Variants in DRC3 observed in about 807,000 individuals in gnomAD.
DRC3 encodes the protein dynein regulatory complex subunit 3, also known as leucine rich repeat containing 48.
DRC3 carries 45 observed loss-of-function variants against 57.6 expected under a neutral mutation model. The ratio of observed to expected loss-of-function variants is 0.78; its 90% confidence interval spans 0.62 to 1.00. DRC3 has a LOEUF of 1.00. Ranked by LOEUF, DRC3 falls within the 50% of genes least tolerant of loss-of-function variation. The pLI, the probability that DRC3 is intolerant of heterozygous loss-of-function variation, is 0.00. For synonymous variants in DRC3, 257 were observed against 272.3 expected (o/e 0.94, Z 0.55); for missense variants, 655 against 675.2 (o/e 0.97, Z 0.33).
intron 9 of DRC3, among the ~76,000 whole-genome samples, chr17:18,002,253 T>A (rs1020893102): frequency 5.3e-5 from 8 of 152,214 alleles, no homozygotes; most frequent in Non-Finnish European, 8.8e-5. Context: ...GAATTTGTTT[T>A]CATGTAAGGC....
At chr17:17,990,002 C>T (rs772709214) in intron 5 of DRC3, among the ~76,000 whole-genome samples, 7 of 152,208 alleles carry the variant, frequency 4.6e-5, no homozygotes, top group East Asian at 1.9e-4. Context: ...GCTTCAAGGA[C>T]GTGAGTTCCT....
intron 8 of DRC3, among the ~76,000 whole-genome samples, chr17:17,996,082 G>A (rs576996312): frequency 3.3e-5 from 5 of 152,198 alleles, no homozygotes; most frequent in Admixed American, 6.5e-5. Context: ...GTGCAATTGC[G>A]CAATCTCAGC....
intron 13 of DRC3, 35 bp from the exon 14 acceptor site, chr17:18,016,523 G>C: frequency 7.1e-7 from 1 of 1,415,120 alleles, no homozygotes; most frequent in Non-Finnish European, 1.0e-6. Context: ...CCAATGATCT[G>C]ATGTAAGGAA....
intron 12 of DRC3, chr17:18,015,858 A>C: frequency 1.8e-6 from 1 of 543,864 alleles, no homozygotes; most frequent in South Asian, 2.5e-5. Flanking sequence ...TTTCCCCACA[A>C]CACCTGCCCT....
At chr17:18,009,144 A>G (rs2044083194) in intron 12 of DRC3, among the ~76,000 whole-genome samples, 1 of 152,224 alleles carries the variant, frequency 6.6e-6, no homozygotes, top group Non-Finnish European at 1.5e-5. Flanking sequence ...GTATGCTCTG[A>G]CTATATGAGT....
chr17:17,992,994 A>G, intron 6 of DRC3, 83 bp downstream of exon 6: 2 of 1,478,500 alleles, frequency 1.4e-6, no homozygotes, highest in Non-Finnish European at 1.9e-6. Flanking sequence ...GGCATTGAAG[A>G]GTAGCTTCCC....
intron 12 of DRC3, 97 bp downstream of exon 12, chr17:18,007,244 A>C (rs1054299193): frequency 9.9e-6 from 8 of 810,184 alleles, no homozygotes; most frequent in African/African-American, 2.0e-5. Context: ...AACCTCCCAG[A>C]GCCTCAGTGT....
intron 3 of DRC3, among the ~76,000 whole-genome samples, chr17:17,980,407 G>T (rs1441119098): frequency 1.3e-5 from 2 of 151,720 alleles, no homozygotes; most frequent in Non-Finnish European, 2.9e-5. Context: ...CAATTCTCCT[G>T]CCTCAGCCTC....
intron 4 of DRC3, among the ~76,000 whole-genome samples, chr17:17,986,487 G>A (rs779655243): frequency 1.7e-4 from 8 of 46,118 alleles, no homozygotes; most frequent in Admixed American, 2.5e-4. Flanking sequence ...TTTTTTTTTT[G>A]GACACAAAGC....
In DRC3 at chr17:17,977,667, G is replaced by A; in HGVS notation, c.69G>A (p.Gly23=). 1.9e-6 allele frequency: 3 copies of A among 1,613,940 alleles called. No individual in the cohort carries two copies. The highest frequency in any genetic ancestry group is 2.5e-6 in the Non-Finnish European group (3 of 1,179,852). Residue 23 remains glycine, a synonymous_variant, in exon 3 of 14, where the codon GGG becomes GGA. Coordinates refer to ENST00000399187, the MANE Select transcript of DRC3 (RefSeq NM_031294.4). ...MDDDMLKLAV[G]DQGPQEEAGQ... The stretch of plus-strand genomic sequence containing the variant: ...ATGACATGCTCAAGCTGGCCGTCGG[G>A]GACCAGGGCCCCCAGGAGGAGGCCG...
At chr17:18,000,577 A>G (rs1003297825) in intron 9 of DRC3, among the ~76,000 whole-genome samples, 3 of 152,120 alleles carry the variant, frequency 2.0e-5, no homozygotes, top group Non-Finnish European at 4.4e-5. Context: ...GTTCCACTGA[A>G]TAAGTTGGTG....
intron 9 of DRC3, among the ~76,000 whole-genome samples, chr17:18,003,484 T>TAAAAA (rs71155309): frequency 1.3e-4 from 4 of 30,106 alleles, no homozygotes; most frequent in Non-Finnish European, 2.4e-4. Context: ...ACTACGTCTT[T>TAAAAA]AAAAAAAAAA....
At chr17:17,993,881 C>T (rs1474107617) in intron 6 of DRC3, 5 of 211,810 alleles carry the variant, frequency 2.4e-5, no homozygotes, top group Non-Finnish European at 2.9e-5. Flanking sequence ...TATGGCCTCA[C>T]TCTACCTCTG....
At chr17:17,997,241 G>A (rs1222567955) in intron 8 of DRC3, among the ~76,000 whole-genome samples, 3 of 152,124 alleles carry the variant, frequency 2.0e-5, no homozygotes, top group Non-Finnish European at 4.4e-5. Context: ...GGCTGAGGGT[G>A]GGGATGCACC....
intron 9 of DRC3, among the ~76,000 whole-genome samples, chr17:17,999,504 C>A (rs2043599486): frequency 6.6e-6 from 1 of 152,320 alleles, no homozygotes; most frequent in East Asian, 1.9e-4. Context: ...CCCTGACAGG[C>A]CCTCTCCTAT....
intron 4 of DRC3, among the ~76,000 whole-genome samples, chr17:17,986,091 TA>T (rs2042943774): frequency 1.3e-5 from 2 of 152,254 alleles, no homozygotes; most frequent in South Asian, 4.1e-4. Context: ...TTTGTATTTT[TA>T]GTAGAAACAG....
At chr17:18,007,853 G>C (rs191417448) in intron 12 of DRC3, 10 of 1,008,072 alleles carry the variant, frequency 9.9e-6, no homozygotes, top group Non-Finnish European at 1.2e-5. Flanking sequence ...GCTTCTCTCT[G>C]TCGCGACATC....
At position 18,007,164 on chromosome 17, in the gene DRC3, G is replaced by GT; in HGVS notation, c.1326+17_1326+18insT. Reference sequence around the variant, plus strand: ...CTGCGCGCGGTAGGCGGGGCGGGCTGCTCGGAGCCTGACAGATGTGGTCCA... The same window carrying GT: ...CTGCGCGCGGTAGGCGGGGCGGGCTGTCTCGGAGCCTGACAGATGTGGTCCA... On this transcript the variant is annotated intron_variant, in intron 12 of 13. Transcript: ENST00000399187. 1 of 1,131,696 alleles carries GT rather than the reference G, an allele frequency of 8.8e-7. No homozygotes were observed. Among genetic ancestry groups the GT allele is most frequent in the Non-Finnish European group, 1.2e-6 (1 of 807,362 alleles). 70.1% of individuals were successfully genotyped at this position (1,131,696 alleles called of 1,614,324 possible).
At chr17:17,994,207 C>T (rs1263267840) in intron 6 of DRC3, 92 bp from the exon 7 acceptor site, 81 of 1,488,286 alleles carry the variant, frequency 5.4e-5, no homozygotes, top group South Asian at 3.0e-4. Flanking sequence ...TGCCCATGCG[C>T]GGGAGGCTGC....
Sources: gnomAD v4.1 joint callset for allele counts (sites outside exome capture counted in the v4.1 genomes callset) on GRCh38, gnomAD v4.1.1 for gene constraint, MANE v1.5 for transcripts, NCBI Gene and HGNC (gene_info 2026-07-23, HGNC 2026-07-21) for gene names.